Variants in FLII observed in about 807,000 individuals in gnomAD.
FLII encodes protein flightless-1 homolog.
FLII carries 101 observed loss-of-function variants against 156.2 expected under a neutral mutation model. That is an observed-to-expected ratio of 0.65 (90% CI 0.55 to 0.76). The LOEUF is 0.76. Among genes scored for constraint, FLII ranks in the 30% least tolerant of loss-of-function variants. The pLI is 0.00. For missense variants in FLII, 1,675 were observed against 1,682.8 expected (o/e 1.00, Z 0.08); for synonymous variants, 767 against 685.8 (o/e 1.12, Z -1.85).
chr17:18,249,421 G>A lies in FLII; in HGVS notation c.1777-13C>T. ...CGTTGTCAAACACCTGTGTGTGTGA[G>A]GGTGTGGTTCTTCATCACTGAGCTG... On this transcript the variant is annotated splice_polypyrimidine_tract_variant and intron_variant, in intron 14 of 29. Transcript: ENST00000327031. 1 of 1,611,396 alleles carries A rather than the reference G, an allele frequency of 6.2e-7. No homozygotes were observed. Among genetic ancestry groups the A allele is most frequent in the Non-Finnish European group, 8.5e-7 (1 of 1,177,772 alleles).
rs77114693 is a variant in FLII at position 18,246,568 on chromosome 17, C to T, written c.3051+26G>A. On this transcript the variant is annotated intron_variant, in intron 23 of 29. Coordinates refer to ENST00000327031, the MANE Select transcript of FLII (RefSeq NM_002018.4). ...CCCACCACACCCCTCCGCCTGGCCT[C>T]GGGCTCGCGGGGCTGCCAGGCACAC... The T allele has an allele frequency of 4.2e-3, 6,733 of 1,612,858 alleles. 25 individuals are homozygous for T. The highest frequency in any genetic ancestry group is 5.2e-3 in the Non-Finnish European group (6,112 of 1,179,242).
In FLII at chr17:18,246,373, C is replaced by T. The variant is rs756308856; in HGVS notation, c.3141G>A (p.Ala1047=). 13 of 1,613,808 alleles carry T rather than the reference C, an allele frequency of 8.1e-6. No individual in the cohort carries two copies. Among genetic ancestry groups the T allele is most frequent in the Middle Eastern group, 1.6e-4 (1 of 6,084 alleles). Residue 1047 remains alanine, a synonymous_variant, in exon 24 of 30, where the codon GCG becomes GCA. Transcript: ENST00000327031. The part of the protein sequence containing the change: ...KFIIHRGKRK[A]VQGAQQPSLY... Reference sequence around the variant, plus strand: ...GGCTGGGCTGTTGGGCGCCCTGGACCGCCTTCCTCTTGCCCCGGTGGATGA... The same window carrying T: ...GGCTGGGCTGTTGGGCGCCCTGGACTGCCTTCCTCTTGCCCCGGTGGATGA...
At chr17:18,254,228 G>T in intron 6 of FLII, 46 bp from the exon 7 acceptor site, 1 of 1,459,088 alleles carries the variant, frequency 6.9e-7, no homozygotes, top group Non-Finnish European at 9.3e-7. Context: ...CACCTAGGGA[G>T]TGTTAAGGGT....
rs767904377 is a variant in FLII, at chr17:18,248,637, C to T, written c.2103G>A (p.Glu701=). 1.9e-6 allele frequency: 3 copies of T among 1,613,746 alleles called. No individual in the cohort carries two copies. The highest frequency in any genetic ancestry group is 2.2e-5 in the East Asian group (1 of 44,864). ...TLLVQGQELP[E]FWEALGGEPS... is the part of the protein sequence containing the mutation. ...GCTCCCCACCCAGTGCCTCCCAGAA[C>T]TCTGGGAGCTCCTGGCCCTGCACCA... Residue 701 remains glutamate (E), a synonymous_variant, in exon 18 of 30, where the codon GAG becomes GAA. Transcript: ENST00000327031.
rs148245851 is a variant in FLII, at chr17:18,252,481, C to T, written c.1089G>A (p.Thr363=). ...ACCCAGCATGCCTGACCTCGATCTCCGTCAGGAAATGGATGGCTTCTGGGA... is the reference window on the plus strand; with the variant it reads ...ACCCAGCATGCCTGACCTCGATCTCTGTCAGGAAATGGATGGCTTCTGGGA... ...VTLPEAIHFL[T]EIEVLDVREN... Residue 363 remains threonine (T), a synonymous_variant, in exon 10 of 30, where the codon ACG becomes ACA. Coordinates refer to ENST00000327031, the MANE Select transcript of FLII (RefSeq NM_002018.4). The T allele has an allele frequency of 1.1e-4, 175 of 1,613,500 alleles. No individual in the cohort carries two copies. The highest frequency in any genetic ancestry group is 3.3e-4 in the Middle Eastern group (2 of 6,082).
intron 2 of FLII, 128 bp from the exon 3 acceptor site, chr17:18,256,725 C>A (rs1451265994): frequency 1.6e-5 from 14 of 872,004 alleles, no homozygotes; most frequent in Middle Eastern, 4.5e-4. Flanking sequence ...CTGCAGCTTC[C>A]CTCCCTCACT....
At chr17:18,256,846 C>T in intron 2 of FLII, 63 bp downstream of exon 2, 1 of 1,148,992 alleles carries the variant, frequency 8.7e-7, no homozygotes, top group Non-Finnish European at 1.3e-6. Context: ...CTGCCTTCTC[C>T]ACAGGCTCTG....
At chr17:18,255,381 A>G in intron 3 of FLII, 118 bp from the exon 4 acceptor site, 1 of 750,638 alleles carries the variant, frequency 1.3e-6, no homozygotes, top group Non-Finnish European at 2.3e-6. Flanking sequence ...GGACTCTCTC[A>G]CCTCTGGCCT....
At chr17:18,249,718 A>G (rs1446903588) in intron 14 of FLII, among the ~76,000 whole-genome samples, 1 of 147,810 alleles carries the variant, frequency 6.8e-6, no homozygotes, top group Non-Finnish European at 1.5e-5. Flanking sequence ...TGAACCTGGG[A>G]GGCGGAGGTT....
At chr17:18,249,305 C>A in intron 15 of FLII, 21 bp downstream of exon 15, 1 of 1,613,182 alleles carries the variant, frequency 6.2e-7, no homozygotes, top group Non-Finnish European at 8.5e-7. Context: ...TCCATACCCC[C>A]CACTGCCCAC....
At position 18,251,773 on chromosome 17, in the gene FLII, C is replaced by T; in HGVS notation, c.1290G>A (p.Leu430=). The change falls in exon 12 of 30, where the codon CTG becomes CTA. Residue 430 remains leucine, a synonymous_variant. Coordinates refer to ENST00000327031, the MANE Select transcript of FLII (RefSeq NM_002018.4). The stretch of plus-strand genomic sequence containing the variant: ...CCTGGGCTGAATCCTTGCGCCTCCG[C>T]AGTCGCATCTTGCGAGCCATAGGGT... ...PKDPMARKMR[L]RRRKDSAQDD... 6.2e-7 allele frequency: 1 copy of T among 1,613,906 alleles called. No homozygotes were observed. The highest frequency in any genetic ancestry group is 8.5e-7 in the Non-Finnish European group (1 of 1,180,024).
chr17:18,247,010 T>C lies in FLII; in HGVS notation c.2719A>G (p.Met907Val), dbSNP rs149310840. The change falls in exon 22 of 30, where the codon ATG becomes GTG. Residue 907 changes from methionine to valine, a missense_variant. This residue lies in a region of FLII where 1,332 missense variants were observed against 1,269.3 expected (regional missense o/e 1.05). Transcript: ENST00000327031. ...MEEWNEDLDG[M>V]EGFVLEGKKF... is the part of the protein sequence containing the mutation. ...TTGCCCTCCAGCACGAAACCCTCCA[T>C]GCCGTCTAGGTCTTCGTTCCACTCC... The C allele has an allele frequency of 2.9e-5, 46 of 1,613,804 alleles. No homozygotes were observed. The highest frequency in any genetic ancestry group is 4.5e-5 in the East Asian group (2 of 44,876).
rs1056823103 is a variant in FLII at position 18,244,822 on chromosome 17, A to G, written c.*316T>C. On this transcript the variant is annotated 3_prime_UTR_variant, in exon 30 of 30. Transcript: ENST00000327031. ...TTGTTAAAATTAGCGCCATTTTAAT[A>G]TTAAAAATACTGATTTTTAATATTG... 7.9e-6 allele frequency: 3 copies of G among 377,558 alleles called. No individual in the cohort carries two copies. The highest frequency in any genetic ancestry group is 4.6e-5 in the Admixed American group (1 of 21,916). 23.4% of individuals were successfully genotyped at this position (377,558 alleles called of 1,614,324 possible). A position where few individuals can be genotyped will look rare whatever the true frequency, so the allele number is the denominator to read the frequency against.
rs756727135 is a variant in FLII at position 18,254,758 on chromosome 17, T to C, written c.413+11A>G. On this transcript the variant is annotated intron_variant, in intron 5 of 29. Coordinates refer to ENST00000327031, the MANE Select transcript of FLII (RefSeq NM_002018.4). ...GGCCCACCTGCCCCCTGCCCCCCACTGGCCTGGCACCTGTTGTGGCTGAGG... is the reference window on the plus strand; with the variant it reads ...GGCCCACCTGCCCCCTGCCCCCCACCGGCCTGGCACCTGTTGTGGCTGAGG... The C allele has an allele frequency of 1.2e-6, 2 of 1,614,018 alleles. No individual in the cohort carries two copies. The highest frequency in any genetic ancestry group is 1.7e-6 in the Non-Finnish European group (2 of 1,179,968).
intron 4 of FLII, 149 bp downstream of exon 4, chr17:18,255,034 A>G: frequency 1.1e-6 from 1 of 916,658 alleles, no homozygotes. Context: ...TCTGACTCCA[A>G]AAGTGACCTC....
rs1044925171 is a variant in FLII at position 18,257,017 on chromosome 17, G to A, written c.66C>T (p.Gly22=). ...GVDLSGNDFK[G]GYFPENVKAM... ...CCTTGACATTCTCAGGGAAGTAGCC[G>A]CCCTGGGGGAAGGATGTCAAGGTGA... Residue 22 remains glycine, a splice_region_variant and synonymous_variant, in exon 2 of 30, where the codon GGC becomes GGT. Coordinates refer to ENST00000327031, the MANE Select transcript of FLII (RefSeq NM_002018.4). 1.0e-5 allele frequency: 16 copies of A among 1,597,268 alleles called. No individual in the cohort carries two copies. Among genetic ancestry groups the A allele is most frequent in the South Asian group, 4.5e-5 (4 of 88,606 alleles).
chr17:18,253,986 G>A (rs2048344645), intron 7 of FLII, 93 bp downstream of exon 7: 2 of 947,562 alleles, frequency 2.1e-6, no homozygotes, highest in Non-Finnish European at 3.2e-6. Context: ...TCTGGGTATT[G>A]GTCCGAAGAG....
In FLII at chr17:18,246,588, G is replaced by A; in HGVS notation, c.3051+6C>T. The stretch of plus-strand genomic sequence containing the variant: ...GGCCTCGGGCTCGCGGGGCTGCCAG[G>A]CACACCTCCAGCTTCCCAGGGAAGA... On this transcript the variant is annotated splice_donor_region_variant and intron_variant, in intron 23 of 29. Transcript: ENST00000327031. 1 of 1,613,554 alleles carries A rather than the reference G, an allele frequency of 6.2e-7. No individual in the cohort carries two copies. Among genetic ancestry groups the A allele is most frequent in the Non-Finnish European group, 8.5e-7 (1 of 1,179,666 alleles).
In FLII at chr17:18,245,065, C is replaced by T. The variant is rs1371901029; in HGVS notation, c.*73G>A. 9 of 1,523,914 alleles carry T rather than the reference C, an allele frequency of 5.9e-6. No homozygotes were observed. Among genetic ancestry groups the T allele is most frequent in the Admixed American group, 1.9e-5 (1 of 53,610 alleles). The allele number at this position is 1,523,914 out of a possible 1,614,324, so 94.4% of individuals were successfully genotyped here. ...TGGAGCAGGTGGTGTCACCTGAGTA[C>T]ATTCTTTGCTAGCAGACAGTGGATG... On this transcript the variant is annotated 3_prime_UTR_variant, in exon 30 of 30. Coordinates refer to ENST00000327031, the MANE Select transcript of FLII (RefSeq NM_002018.4).
Sources: allele counts gnomAD v4.1 joint callset (sites outside exome capture counted in the v4.1 genomes callset), GRCh38; gene constraint gnomAD v4.1.1; regional missense constraint gnomAD v4.1.1; transcripts MANE v1.5; gene names NCBI Gene and HGNC (gene_info 2026-07-23, HGNC 2026-07-21).